The following EPHA5 variants were observed in gnomAD, a reference collection of about 807,000 sequenced individuals.
EPHA5 encodes the protein EPH receptor A5.
Under a neutral mutation model 105.0 loss-of-function variants are expected in EPHA5, and 60 were observed. The observed-to-expected ratio is 0.57, with a 90% CI of 0.46 to 0.71. EPHA5 has a LOEUF of 0.71. Ranked by LOEUF, EPHA5 falls within the 30% of genes least tolerant of loss-of-function variation. The probability of loss-of-function intolerance (pLI) is 0.00; values close to 1 mark genes in which losing one functional copy is unlikely to be tolerated. For synonymous variants in EPHA5, 513 were observed against 449.1 expected, an observed-to-expected ratio of 1.14 and a Z score of -1.80; for missense variants, 1,218 against 1,274.7, an observed-to-expected ratio of 0.96 and a Z score of 0.68.
chr4:65,472,083 TG>T (rs1185269658), intron 5 of EPHA5, among the ~76,000 whole-genome samples: 5 of 152,056 alleles, frequency 3.3e-5, no homozygotes, highest in Admixed American at 6.5e-5. Flanking sequence ...CAAGATACAA[TG>T]GGGATACAGG....
At chr4:65,572,888 A>C (rs1740348351) in intron 3 of EPHA5, among the ~76,000 whole-genome samples, 1 of 151,412 alleles carries the variant, frequency 6.6e-6, no homozygotes, top group South Asian at 2.1e-4. Flanking sequence ...AACATTAGCC[A>C]AGAGTGGTGG....
At chr4:65,411,075 T>G (rs1722863660) in intron 7 of EPHA5, among the ~76,000 whole-genome samples, 2 of 152,006 alleles carry the variant, frequency 1.3e-5, no homozygotes, top group Non-Finnish European at 2.9e-5. Flanking sequence ...CTGTTGAGAA[T>G]GGGGGTAATG....
In EPHA5 at chr4:65,351,409, C is replaced by T. The variant is rs767617774; in HGVS notation, c.2425G>A (p.Glu809Lys). 1.2e-6 allele frequency: 2 copies of T among 1,613,640 alleles called. No individual in the cohort carries two copies. Among genetic ancestry groups the T allele is most frequent in the Non-Finnish European group, 8.5e-7 (1 of 1,179,746 alleles). The stretch of plus-strand genomic sequence containing the variant: ...CTTACCCTTGTGGTGTAGGCTGCCT[C>T]GGGATCATCTTCCAGTACCCGGGAA... The part of the protein sequence containing the change: ...GLSRVLEDDP[E>K]AAYTTRGGKI... The change falls in exon 13 of 17, where the codon GAG (glutamate) becomes AAG (lysine). Residue 809 changes from glutamate (E) to lysine (K), a missense_variant. By Grantham distance (56) the Glu-to-Lys change is moderately conservative. Transcript: ENST00000613740.
chr4:65,497,748 A>G (rs1732084594), intron 3 of EPHA5, among the ~76,000 whole-genome samples: 1 of 152,014 alleles, frequency 6.6e-6, no homozygotes, highest in Non-Finnish European at 1.5e-5. Flanking sequence ...CACATATAAC[A>G]CTGCTGTTCA....
At chr4:65,338,597 G>A (rs916232774) in intron 14 of EPHA5, among the ~76,000 whole-genome samples, 13 of 151,458 alleles carry the variant, frequency 8.6e-5, no homozygotes, top group Non-Finnish European at 7.4e-5. Flanking sequence ...TCTTATTTTC[G>A]GGTAAATTTA....
intron 5 of EPHA5, among the ~76,000 whole-genome samples, chr4:65,431,868 GAACA>G (rs907819162): frequency 9.2e-5 from 14 of 151,696 alleles, no homozygotes; most frequent in African/African-American, 2.9e-4. Flanking sequence ...GCTAGAAAAA[GAACA>G]AGCATGTGGT....
intron 5 of EPHA5, among the ~76,000 whole-genome samples, chr4:65,476,126 G>A (rs1279404358): frequency 1.1e-5 from 1 of 90,460 alleles, no homozygotes; most frequent in East Asian, 2.4e-4. Context: ...GAGAGAGAGA[G>A]AGTGTGTGTG....
chr4:65,477,321 C>G (rs1470023954), intron 5 of EPHA5, among the ~76,000 whole-genome samples: 2 of 152,124 alleles, frequency 1.3e-5, no homozygotes, highest in African/African-American at 4.8e-5. Context: ...CATTCTGGCT[C>G]TAGTATAAGA....
chr4:65,415,142 A>G (rs1042777127), intron 6 of EPHA5, among the ~76,000 whole-genome samples: 2 of 152,286 alleles, frequency 1.3e-5, no homozygotes, highest in East Asian at 3.9e-4. Flanking sequence ...TTTTGATGCC[A>G]ACAAAAGTTT....
chr4:65,485,883 C>T (rs1246565603), intron 5 of EPHA5, among the ~76,000 whole-genome samples: 9 of 152,100 alleles, frequency 5.9e-5, no homozygotes, highest in African/African-American at 2.2e-4. Context: ...TCTTCCCTGT[C>T]CCCTACATCT....
chr4:65,451,862 A>T (rs1727100647), intron 5 of EPHA5, among the ~76,000 whole-genome samples: 1 of 152,190 alleles, frequency 6.6e-6, no homozygotes, highest in South Asian at 2.1e-4. Context: ...GAAAGCTTGG[A>T]AAAATCAGAC....
chr4:65,601,058 C>G (rs748141032), intron 3 of EPHA5, among the ~76,000 whole-genome samples: 1 of 152,166 alleles, frequency 6.6e-6, no homozygotes, highest in Non-Finnish European at 1.5e-5. Context: ...GCTTATTATG[C>G]ATTTAAAAAT....
At chr4:65,463,827 A>G (rs532991719) in intron 5 of EPHA5, among the ~76,000 whole-genome samples, 3 of 152,104 alleles carry the variant, frequency 2.0e-5, no homozygotes, top group Admixed American at 6.5e-5. Flanking sequence ...GAATGCTTAT[A>G]TACATAGAGA....
intron 15 of EPHA5, among the ~76,000 whole-genome samples, chr4:65,334,040 A>C (rs1186541896): frequency 6.6e-6 from 1 of 151,926 alleles, no homozygotes; most frequent in Non-Finnish European, 1.5e-5. Flanking sequence ...ATTTCAAGAT[A>C]TCATCATGTC....
At chr4:65,577,246 A>G (rs1741149994) in intron 3 of EPHA5, among the ~76,000 whole-genome samples, 1 of 152,256 alleles carries the variant, frequency 6.6e-6, no homozygotes, top group Admixed American at 6.5e-5. Context: ...TTTATATTGT[A>G]TGTCAAAATT....
intron 11 of EPHA5, among the ~76,000 whole-genome samples, chr4:65,353,706 C>A (rs1456575012): frequency 6.6e-6 from 1 of 151,828 alleles, no homozygotes; most frequent in East Asian, 1.9e-4. Context: ...AATAAAAACT[C>A]CATCCTATCT....
intron 1 of EPHA5, among the ~76,000 whole-genome samples, chr4:65,653,353 C>T (rs901416796): frequency 6.6e-6 from 1 of 152,060 alleles, no homozygotes; most frequent in Non-Finnish European, 1.5e-5. Flanking sequence ...GTAAACCCTA[C>T]ATAATGATTT....
intron 13 of EPHA5, among the ~76,000 whole-genome samples, chr4:65,348,847 G>T (rs528841808): frequency 2.8e-5 from 3 of 107,486 alleles, no homozygotes; most frequent in East Asian, 2.8e-4. Flanking sequence ...ACAGGGTCTC[G>T]CTCTGTCTCC....
In EPHA5 at chr4:65,643,418, A is replaced by C; in HGVS notation, c.191T>G (p.Leu64Trp). Reference sequence around the variant, plus strand: ...GTCCCCCATGACAGTGCGTGAATCCAATAAATTCACTGAAAAGAAAAGAAC... The same window carrying C: ...GTCCCCCATGACAGTGCGTGAATCCCATAAATTCACTGAAAAGAAAAGAAC... ...LASPSNEVNL[L>W]DSRTVMGDLG... Residue 64 changes from leucine to tryptophan, a missense_variant, in exon 2 of 17, where the codon TTG becomes TGG. Leu to Trp is a moderately conservative substitution (Grantham distance 61). Coordinates refer to ENST00000613740, the MANE Select transcript of EPHA5 (RefSeq NM_001281766.3). The C allele has an allele frequency of 6.2e-7, 1 of 1,612,946 alleles. No individual in the cohort carries two copies. The highest frequency in any genetic ancestry group is 8.5e-7 in the Non-Finnish European group (1 of 1,179,158).
Sources: gnomAD v4.1 joint callset for allele counts (sites outside exome capture counted in the v4.1 genomes callset) on GRCh38, gnomAD v4.1.1 for gene constraint, MANE v1.5 for transcripts, NCBI Gene and HGNC (gene_info 2026-07-23, HGNC 2026-07-21) for gene names.